The following SNX24 variants were observed in gnomAD, a reference collection of about 807,000 sequenced individuals.
SNX24 encodes sorting nexin 24, also known as sorting nexin-24.
A neutral mutation model predicts 28.7 loss-of-function variants in SNX24; 22 were observed. The ratio of observed to expected loss-of-function variants is 0.77; its 90% CI spans 0.55 to 1.10. SNX24 has a LOEUF of 1.10. Ranked by LOEUF, SNX24 falls within the 50% of genes least tolerant of loss-of-function variation. The probability of loss-of-function intolerance (pLI) is 0.00; values close to 1 mark genes in which losing one functional copy is unlikely to be tolerated. For missense variants in SNX24, 221 were observed against 201.1 expected (o/e 1.10, Z -0.60); for synonymous variants, 69 against 71.5 (o/e 0.96, Z 0.18).
intron 1 of SNX24, among the ~76,000 whole-genome samples, chr5:122,874,407 A>G (rs950175827): frequency 3.3e-5 from 5 of 152,224 alleles, no homozygotes; most frequent in Admixed American, 1.3e-4. Context: ...CAATCAAGAA[A>G]GCTGTGTGAA....
At chr5:122,878,437 A>G (rs1489363106) in intron 1 of SNX24, among the ~76,000 whole-genome samples, 1 of 152,166 alleles carries the variant, frequency 6.6e-6, no homozygotes, top group East Asian at 1.9e-4. Context: ...GAGGGAGAGA[A>G]GTCATAAGAG....
intron 3 of SNX24, among the ~76,000 whole-genome samples, chr5:122,946,579 T>C (rs577618814): frequency 6.6e-6 from 1 of 152,286 alleles, no homozygotes; most frequent in East Asian, 1.9e-4. Context: ...CTAGTGTATC[T>C]TTGGAATCAA....
At chr5:123,029,195 G>A (rs774993813) in intron 5 of SNX24, 11 of 1,571,486 alleles carry the variant, frequency 7.0e-6, no homozygotes, top group Non-Finnish European at 7.8e-6. Context: ...GTCAAATGTG[G>A]TAAGGTTCAT....
chr5:122,943,885 T>C (rs1032400587), intron 2 of SNX24, among the ~76,000 whole-genome samples: 1 of 152,162 alleles, frequency 6.6e-6, no homozygotes, highest in Non-Finnish European at 1.5e-5. Flanking sequence ...ACTCCTAATG[T>C]CATCTCCTCT....
intron 1 of SNX24, among the ~76,000 whole-genome samples, chr5:122,898,626 T>A (rs1183569971): frequency 1.3e-5 from 2 of 152,150 alleles, no homozygotes; most frequent in African/African-American, 4.8e-5. Flanking sequence ...TGTAGGGCTT[T>A]AGCTGAATCA....
chr5:122,941,191 T>C (rs572572356), intron 2 of SNX24, among the ~76,000 whole-genome samples: 175 of 152,280 alleles, frequency 1.1e-3, no homozygotes, highest in African/African-American at 4.0e-3. Flanking sequence ...AACCCCCCTT[T>C]TCAGAATCCT....
intron 1 of SNX24, among the ~76,000 whole-genome samples, chr5:122,895,941 G>A (rs1757184485): frequency 6.6e-6 from 1 of 152,200 alleles, no homozygotes; most frequent in South Asian, 2.1e-4. Context: ...TTGAGGCCAG[G>A]AGTTCAAGAC....
At chr5:122,854,291 G>A (rs187403) in intron 1 of SNX24, among the ~76,000 whole-genome samples, 5 of 152,014 alleles carry the variant, frequency 3.3e-5, no homozygotes, top group South Asian at 2.1e-4. Flanking sequence ...GGTGGATCAC[G>A]AGGTCAGGAG....
At chr5:122,960,782 A>ATCACAAACTACTACATTTCAAAAGAC (rs932266323) in intron 3 of SNX24, among the ~76,000 whole-genome samples, 98 of 152,288 alleles carry the variant, frequency 6.4e-4, no homozygotes, top group Middle Eastern at 3.4e-3. Context: ...TCTCATCAAA[A>ATCACAAACTACTACATTTCAAAAGAC]TCACAAACTA....
chr5:122,863,352 T>C (rs959622698), intron 1 of SNX24, among the ~76,000 whole-genome samples: 2 of 151,654 alleles, frequency 1.3e-5, no homozygotes, highest in Non-Finnish European at 2.9e-5. Flanking sequence ...GTGCATAGTG[T>C]GTTTTAGGAA....
chr5:122,954,858 G>A (rs1240396130), intron 3 of SNX24, among the ~76,000 whole-genome samples: 3 of 151,972 alleles, frequency 2.0e-5, no homozygotes, highest in African/African-American at 7.2e-5. Context: ...GTGTATTTAA[G>A]TTTTTCCCCT....
chr5:122,956,352 G>A (rs1245474674), intron 3 of SNX24, among the ~76,000 whole-genome samples: 1 of 143,608 alleles, frequency 7.0e-6, no homozygotes, highest in Non-Finnish European at 1.5e-5. Flanking sequence ...AAACACTTGG[G>A]AAAAAAAAAA....
chr5:122,883,339 GCTTT>G (rs752677147), intron 1 of SNX24, among the ~76,000 whole-genome samples: 9 of 151,856 alleles, frequency 5.9e-5, no homozygotes, highest in Non-Finnish European at 1.3e-4. Flanking sequence ...ATATTTAAGG[GCTTT>G]CTTCTTTGTT....
chr5:123,005,341 G>C (rs1762387288), intron 6 of SNX24, among the ~76,000 whole-genome samples: 1 of 151,948 alleles, frequency 6.6e-6, no homozygotes, highest in Non-Finnish European at 1.5e-5. Context: ...CCTTCTCCCG[G>C]ACACCCTCCC....
At chr5:122,917,128 G>A (rs1390147734) in intron 1 of SNX24, among the ~76,000 whole-genome samples, 1 of 152,008 alleles carries the variant, frequency 6.6e-6, no homozygotes, top group Admixed American at 6.6e-5. Flanking sequence ...TTAGCCGGGT[G>A]TGTTGGCGTG....
At chr5:122,989,205 T>G (rs1215254843) in intron 3 of SNX24, among the ~76,000 whole-genome samples, 1 of 152,176 alleles carries the variant, frequency 6.6e-6, no homozygotes, top group African/African-American at 2.4e-5. Flanking sequence ...TAACTAAAAG[T>G]GAGTTTTAAC....
chr5:122,955,162 C>T, intron 3 of SNX24, among the ~76,000 whole-genome samples: 1 of 151,960 alleles, frequency 6.6e-6, no homozygotes, highest in East Asian at 1.9e-4. Flanking sequence ...CACTGTTGAA[C>T]CCTTAACTTA....
intron 6 of SNX24, among the ~76,000 whole-genome samples, chr5:123,005,884 A>G (rs1017827429): frequency 1.3e-5 from 2 of 152,166 alleles, no homozygotes; most frequent in African/African-American, 4.8e-5. Context: ...CCATTACTTC[A>G]TGTTGGGGAA....
intron 3 of SNX24, among the ~76,000 whole-genome samples, chr5:122,951,284 A>AAAG (rs1561645345): frequency 2.3e-5 from 3 of 132,424 alleles, no homozygotes; most frequent in African/African-American, 9.0e-5. Flanking sequence ...AAAAAAAAAG[A>AAAG]AAAAGAAAAG....
Sources: gnomAD v4.1 joint callset for allele counts (sites outside exome capture counted in the v4.1 genomes callset) on GRCh38, gnomAD v4.1.1 for gene constraint, MANE v1.5 for transcripts, NCBI Gene and HGNC (gene_info 2026-07-23, HGNC 2026-07-21) for gene names.